ZNF33B: variants seen among roughly 807,000 people sequenced by gnomAD.
ZNF33B encodes zinc finger protein 11b (KOX 2).
A neutral mutation model predicts 45.8 loss-of-function variants in ZNF33B; 29 were observed. That is an observed-to-expected ratio of 0.63 (90% CI 0.47 to 0.86). The LOEUF (loss-of-function observed/expected upper bound fraction) is 0.86. Among genes scored for constraint, ZNF33B ranks in the 40% least tolerant of loss-of-function variants. The pLI is 0.00. For missense variants in ZNF33B, 831 were observed against 909.9 expected, an observed-to-expected ratio of 0.91 and a Z score of 1.12; for synonymous variants, 305 against 307.8, an observed-to-expected ratio of 0.99 and a Z score of 0.10.
chr10:42,619,755 A>G (rs1838488611), intron 4 of ZNF33B, among the ~76,000 whole-genome samples: 2 of 152,202 alleles, frequency 1.3e-5, no homozygotes. Context: ...AGGTAGAAGC[A>G]AGGTTTTCAT....
At chr10:42,601,908 CTTTT>C (rs34431290) in intron 4 of ZNF33B, among the ~76,000 whole-genome samples, 3 of 75,332 alleles carry the variant, frequency 4.0e-5, no homozygotes, top group South Asian at 4.6e-4. Flanking sequence ...ATGTGATATT[CTTTT>C]TTTTTTTTTT....
chr10:42,595,941 A>G (rs1213736901), intron 4 of ZNF33B, among the ~76,000 whole-genome samples: 2 of 152,188 alleles, frequency 1.3e-5, no homozygotes, highest in Admixed American at 6.6e-5. Context: ...GGGAAACTAC[A>G]CTTGACTGAA....
intron 4 of ZNF33B, among the ~76,000 whole-genome samples, chr10:42,615,539 A>C (rs2132109005): frequency 6.6e-6 from 1 of 152,306 alleles, no homozygotes; most frequent in South Asian, 2.1e-4. Context: ...AGAAAATTCA[A>C]TTTTGGTTGC....
chr10:42,576,957 A>G (rs1836757081), intron 1 of ZNF33B, among the ~76,000 whole-genome samples: 1 of 151,832 alleles, frequency 6.6e-6, no homozygotes, highest in East Asian at 1.9e-4. Context: ...ACAAGATGAA[A>G]CCCTGTCTCT....
chr10:42,593,998 G>A lies in ZNF33B; in HGVS notation c.952C>T (p.Gln318Ter). The change falls in exon 5 of 5, where the codon CAG becomes TAG. Residue 318 changes from glutamine to a stop codon, truncating the protein, a stop_gained. Transcript: ENST00000359467. LOFTEE classifies it low-confidence loss of function (END_TRUNC). ...NNFRRKLCLS[Q>*]LQKGDKGEKH... Reference sequence around the variant, plus strand: ...TCTCCTTTATCACCTTTCTGAAGCTGTGACAGACACAATTTCCTCCTGAAA... The same window carrying A: ...TCTCCTTTATCACCTTTCTGAAGCTATGACAGACACAATTTCCTCCTGAAA... 1 of 1,614,092 alleles carries A rather than the reference G, an allele frequency of 6.2e-7. No homozygotes were observed. Among genetic ancestry groups the A allele is most frequent in the Non-Finnish European group, 8.5e-7 (1 of 1,179,972 alleles).
At chr10:42,616,544 TTA>T (rs1252526173) in intron 4 of ZNF33B, among the ~76,000 whole-genome samples, 18 of 152,064 alleles carry the variant, frequency 1.2e-4, no homozygotes, top group Admixed American at 9.8e-4. Context: ...TTCCCAACCT[TTA>T]TGTTTTATTA....
At chr10:42,608,881 G>GA (rs575458559) in intron 4 of ZNF33B, among the ~76,000 whole-genome samples, 224 of 97,160 alleles carry the variant, frequency 2.3e-3, no homozygotes, top group African/African-American at 6.6e-3. Context: ...ACTGACAATG[G>GA]AAAAAAAAAA....
intron 1 of ZNF33B, among the ~76,000 whole-genome samples, chr10:42,578,321 C>T (rs1189420773): frequency 6.6e-6 from 1 of 152,228 alleles, no homozygotes; most frequent in Non-Finnish European, 1.5e-5. Flanking sequence ...AGCATGGCTG[C>T]CTCGGCACAG....
At chr10:42,625,038 T>TTATATATATATATATATATATATA (rs58614890) in intron 4 of ZNF33B, among the ~76,000 whole-genome samples, 3 of 145,560 alleles carry the variant, frequency 2.1e-5, no homozygotes, top group Middle Eastern at 3.6e-3. Flanking sequence ...GTTTCATATT[T>TTATATATATATATATATATATATA]TATATATATA....
At position 42,580,648 on chromosome 10, in the gene ZNF33B, C is replaced by T. The variant is rs188380379; in HGVS notation, c.74-5970G>A. On this transcript the variant is annotated intron_variant, in intron 1 of 1. Transcript: ENST00000462075. ...ATATAAAAATAAAAGTGTCTGGGAG[C>T]GGTGGCTCATGCCTGTAATCCCAGC... Among the ~76,000 whole-genome samples the T allele has an allele frequency of 1.4e-3, 207 of 151,176 alleles. 1 individual carries two copies. The highest frequency in any genetic ancestry group is 2.3e-3 in the Non-Finnish European group (157 of 67,872).
At chr10:42,629,303 G>A (rs978566484) in intron 4 of ZNF33B, among the ~76,000 whole-genome samples, 2 of 152,148 alleles carry the variant, frequency 1.3e-5, no homozygotes, top group African/African-American at 4.8e-5. Flanking sequence ...AAAGGTGGTG[G>A]GGTGGGGTTG....
intron 4 of ZNF33B, among the ~76,000 whole-genome samples, chr10:42,603,191 A>T (rs1023237410): frequency 1.3e-5 from 2 of 152,186 alleles, no homozygotes; most frequent in Non-Finnish European, 2.9e-5. Context: ...AGAGAAAAGC[A>T]AAACACTGCT....
Position 42,632,503 on chromosome 10 carries a change from T to G in ZNF33B, c.10-64A>C, listed in dbSNP as rs921627058. Reference sequence around the variant, plus strand: ...ATGGGCTAATCCTTACCATGATTATTATTCACAGAATATTTGTTTTGCTTT... The same window carrying G: ...ATGGGCTAATCCTTACCATGATTATGATTCACAGAATATTTGTTTTGCTTT... On this transcript the variant is annotated intron_variant, in intron 2 of 4. Coordinates refer to ENST00000359467, the MANE Select transcript of ZNF33B (RefSeq NM_006955.3). 5.1e-6 allele frequency: 8 copies of G among 1,558,746 alleles called. No individual in the cohort carries two copies. In the African/African-American group the frequency reaches 1.1e-4, roughly 22 times the overall value.
chr10:42,581,483 A>T lies in ZNF33B; in HGVS notation c.74-6805T>A, dbSNP rs1253912472. The stretch of plus-strand genomic sequence containing the variant: ...CTGTCTCAAAAAAAAAAAAAAAAAA[A>T]AAAAAAGTGTGTCCACGGGAAGACA... On this transcript the variant is annotated intron_variant, in intron 1 of 1. Transcript: ENST00000462075. 1.6e-3 allele frequency: 236 copies of T among 145,620 alleles called. 1 individual carries two copies. The highest frequency in any genetic ancestry group is 5.9e-3 in the African/African-American group (232 of 39,410). 9.0% of individuals were successfully genotyped at this position (145,620 alleles called of 1,614,324 possible).
intron 1 of ZNF33B, among the ~76,000 whole-genome samples, chr10:42,577,813 G>A (rs1207459910): frequency 1.3e-5 from 2 of 152,190 alleles, no homozygotes; most frequent in Non-Finnish European, 2.9e-5. Context: ...TTGTATATGA[G>A]ATAACCCTTC....
Position 42,630,196 on chromosome 10 carries a change from T to C in ZNF33B, c.250+1733A>G, listed in dbSNP as rs1488952966. 4.6e-5 allele frequency among the ~76,000 whole-genome samples: 7 copies of C among 152,224 alleles called. No individual in the cohort carries two copies. The East Asian group carries it at 1.2e-3, about 25-fold the overall frequency. ...GCAACATTTTCTCTTAGCTTCCCTA[T>C]CTAATAATGCCTTTAGTTCCCCTTT... is the stretch of plus-strand genomic sequence containing the variant. On this transcript the variant is annotated intron_variant, in intron 4 of 4. Transcript: ENST00000359467.
chr10:42,616,856 C>T (rs1838342120), intron 4 of ZNF33B, among the ~76,000 whole-genome samples: 1 of 151,720 alleles, frequency 6.6e-6, no homozygotes, highest in African/African-American at 2.4e-5. Context: ...CCATCATGCC[C>T]GGCTAATTTT....
intron 2 of ZNF33B, among the ~76,000 whole-genome samples, chr10:42,634,908 T>C (rs1839217871): frequency 6.6e-6 from 1 of 152,222 alleles, no homozygotes; most frequent in South Asian, 2.1e-4. Context: ...ATAAACTTAA[T>C]AAACTAATCT....
At chr10:42,626,711 AAAT>A (rs1838825287) in intron 4 of ZNF33B, among the ~76,000 whole-genome samples, 1 of 145,794 alleles carries the variant, frequency 6.9e-6, no homozygotes, top group African/African-American at 2.6e-5. Flanking sequence ...ATAAATAAAT[AAAT>A]AAATAAATAA....
Sources: gnomAD v4.1 joint callset for allele counts (sites outside exome capture counted in the v4.1 genomes callset) on GRCh38, gnomAD v4.1.1 for gene constraint, MANE v1.5 for transcripts, NCBI Gene and HGNC (gene_info 2026-07-23, HGNC 2026-07-21) for gene names.